Variants in CACNA1E observed in about 807,000 individuals in gnomAD.
The protein encoded by CACNA1E is voltage-dependent R-type calcium channel subunit alpha-1E.
CACNA1E carries 40 observed loss-of-function variants against 259.2 expected under a neutral mutation model. The ratio of observed to expected loss-of-function variants is 0.15; its 90% CI spans 0.12 to 0.20. CACNA1E has a LOEUF of 0.20. CACNA1E is among the 10% of genes least tolerant of loss of function. The pLI is 1.00. For missense variants in CACNA1E, 1,874 were observed against 3,040.1 expected (o/e 0.62, Z 9.02); for synonymous variants, 1,104 against 1,138.5 (o/e 0.97, Z 0.61).
intron 3 of CACNA1E, among the ~76,000 whole-genome samples, chr1:181,532,516 G>A (rs758385713): frequency 5.9e-5 from 9 of 152,246 alleles, no homozygotes; most frequent in Non-Finnish European, 1.0e-4. Context: ...GGCAGAGCAC[G>A]TTGCACCTGA....
chr1:181,534,948 A>G (rs1195499169), intron 3 of CACNA1E, among the ~76,000 whole-genome samples: 2 of 152,120 alleles, frequency 1.3e-5, no homozygotes, highest in African/African-American at 2.4e-5. Flanking sequence ...TAGAAAATTG[A>G]AAATAGAGGA....
At chr1:181,505,943 G>C (rs1217548299) in intron 1 of CACNA1E, among the ~76,000 whole-genome samples, 1 of 152,210 alleles carries the variant, frequency 6.6e-6, no homozygotes, top group Non-Finnish European at 1.5e-5. Context: ...GGCAGGCAAG[G>C]TCCTGCCCTG....
At chr1:181,668,359 T>A (rs1460970275) in intron 7 of CACNA1E, among the ~76,000 whole-genome samples, 1 of 152,258 alleles carries the variant, frequency 6.6e-6, no homozygotes, top group East Asian at 1.9e-4. Flanking sequence ...TTCCATGGTA[T>A]GGATATACCA....
At chr1:181,354,038 G>A (rs1160540178) in intron 1 of CACNA1E, among the ~76,000 whole-genome samples, 2 of 152,038 alleles carry the variant, frequency 1.3e-5, no homozygotes, top group Non-Finnish European at 2.9e-5. Context: ...TGCCTGACTC[G>A]GTTCCTCCCC....
chr1:181,798,392 G>A lies in CACNA1E; in HGVS notation c.6500G>A (p.Arg2167Gln), dbSNP rs370385055. 58 of 1,613,224 alleles carry A rather than the reference G, an allele frequency of 3.6e-5. No homozygotes were observed. The Admixed American group carries it at 4.0e-4, about 11-fold the overall frequency. ...RQLPPVPPKP[R>Q]PLLSYSSLIR... is the part of the protein sequence containing the mutation. ...CTCCCACCCGTCCCGCCAAAGCCCC[G>A]GCCCCTCCTTTCCTACAGCTCCCTG... is the stretch of plus-strand genomic sequence containing the variant. Residue 2167 changes from arginine (R) to glutamine (Q), a missense_variant, in exon 48 of 48, where the codon CGG becomes CAG. Around this residue, in one of 14 missense-constraint regions of CACNA1E, gnomAD observed 542 missense variants for 587.2 expected, o/e 0.92. Transcript: ENST00000367573. The surrounding 1 kb of genome is among the most constrained non-coding windows in gnomAD (Gnocchi z 4.2).
chr1:181,393,343 G>A (rs746297571), intron 1 of CACNA1E, among the ~76,000 whole-genome samples: 1 of 152,196 alleles, frequency 6.6e-6, no homozygotes, highest in Admixed American at 6.5e-5. Flanking sequence ...AAGGATTCAA[G>A]AATGTCTAGC....
intron 2 of CACNA1E, among the ~76,000 whole-genome samples, 192 bp from the exon 3 acceptor site, chr1:181,511,179 C>T (rs1666133366): frequency 6.6e-6 from 1 of 152,132 alleles, no homozygotes; most frequent in African/African-American, 2.4e-5. Context: ...CAGCTGGCTC[C>T]CCTGGGTCTC....
At chr1:181,562,808 AG>A (rs1649453018) in intron 3 of CACNA1E, among the ~76,000 whole-genome samples, 1 of 152,158 alleles carries the variant, frequency 6.6e-6, no homozygotes, top group African/African-American at 2.4e-5. Flanking sequence ...CTGTTGTGAG[AG>A]TAACCTCTTG....
At chr1:181,361,837 A>T (rs2804696) in intron 1 of CACNA1E, among the ~76,000 whole-genome samples, 1 of 152,242 alleles carries the variant, frequency 6.6e-6, no homozygotes, top group Admixed American at 6.5e-5. Flanking sequence ...CAGTTTCCAC[A>T]TCTATAAATG....
chr1:181,588,777 T>C (rs3931595), intron 6 of CACNA1E, among the ~76,000 whole-genome samples: 131,025 of 152,250 alleles, frequency 0.86, 57,276 homozygotes, highest in East Asian at 0.98. Context: ...TGATGTGTCA[T>C]GCAGCTTTGG....
chr1:181,762,833 G>T (rs1658703497), intron 33 of CACNA1E, among the ~76,000 whole-genome samples, 176 bp downstream of exon 33: 1 of 152,224 alleles, frequency 6.6e-6, no homozygotes, highest in South Asian at 2.1e-4. Context: ...CTTGGGAGTG[G>T]CACTGGATCT....
intron 1 of CACNA1E, among the ~76,000 whole-genome samples, chr1:181,486,142 C>T (rs1197001031): frequency 6.6e-6 from 1 of 152,268 alleles, no homozygotes; most frequent in African/African-American, 2.4e-5. Context: ...AGTCTTACTC[C>T]TCCCTTTCCT....
Position 181,483,530 on chromosome 1 carries a change from G to T in CACNA1E, c.-215G>T. On this transcript the variant is annotated 5_prime_UTR_variant, in exon 1 of 48. An upstream start codon of the reference 5' UTR is lost. Coordinates refer to ENST00000367573, the MANE Select transcript of CACNA1E (RefSeq NM_001205293.3). ...TTTTTTTTTTTCCTTCTTGAGGAAT[G>T]GAGCTTCGCAGAGGTTGCATTTAGA... 6.4e-6 allele frequency: 2 copies of T among 314,736 alleles called. No homozygotes were observed. The highest frequency in any genetic ancestry group is 1.1e-5 in the Non-Finnish European group (2 of 174,422). 19.5% of individuals were successfully genotyped at this position (314,736 alleles called of 1,614,324 possible). A position where few individuals can be genotyped will look rare whatever the true frequency, so the allele number is the denominator to read the frequency against.
intron 1 of CACNA1E, among the ~76,000 whole-genome samples, chr1:181,389,991 G>A (rs1268884131): frequency 6.6e-6 from 1 of 152,262 alleles, no homozygotes; most frequent in Admixed American, 6.5e-5. Flanking sequence ...GATTTTAGAG[G>A]AGGCTGACTG....
chr1:181,392,187 A>G (rs1270917535), intron 1 of CACNA1E, among the ~76,000 whole-genome samples: 1 of 152,160 alleles, frequency 6.6e-6, no homozygotes, highest in Non-Finnish European at 1.5e-5. Flanking sequence ...AAAGCCTTTT[A>G]GGTTCTCATC....
chr1:181,451,109 T>C (rs1661128035), intron 2 of CACNA1E, among the ~76,000 whole-genome samples: 1 of 152,082 alleles, frequency 6.6e-6, no homozygotes, highest in South Asian at 2.1e-4. Context: ...CATGTGGAGG[T>C]ATAGAAATAC....
rs11302089 is a variant in CACNA1E, at chr1:181,423,662, A to ATTTTTTTTTTTTTTTTTTT, written c.434+10098_434+10099insTTTTTTTTTTTTTTTTTTT. Among the ~76,000 whole-genome samples the ATTTTTTTTTTTTTTTTTTT allele has an allele frequency of 7.9e-4, 103 of 131,010 alleles. 3 individuals are homozygous for ATTTTTTTTTTTTTTTTTTT. The highest frequency in any genetic ancestry group is 1.9e-3 in the African/African-American group (61 of 32,846). 85.9% of individuals were successfully genotyped at this position (131,010 alleles called of 152,430 possible). On this transcript the variant is annotated intron_variant, in intron 2 of 11. Transcript: ENST00000524607. ...GGTGAATTTAAGGGCCATTGGGCCA[A>ATTTTTTTTTTTTTTTTTTT]TTTTTTTTTTTTTTTTGCTGGCCTT...
intron 7 of CACNA1E, among the ~76,000 whole-genome samples, chr1:181,682,980 C>G (rs1364803827): frequency 6.6e-6 from 1 of 152,214 alleles, no homozygotes; most frequent in Non-Finnish European, 1.5e-5. Flanking sequence ...TGCCATTGAT[C>G]TCTACTTGTC....
chr1:181,555,020 T>A (rs1648569627), intron 3 of CACNA1E, among the ~76,000 whole-genome samples: 1 of 152,198 alleles, frequency 6.6e-6, no homozygotes, highest in South Asian at 2.1e-4. Context: ...TTTCCACAGA[T>A]GCTGAGATGC....
Sources: gnomAD v4.1 joint callset for allele counts (sites outside exome capture counted in the v4.1 genomes callset) on GRCh38, gnomAD v4.1.1 for gene constraint, gnomAD v4.1.1 regional missense constraint, Gnocchi (gnomAD v3.1) non-coding constraint, MANE v1.5 for transcripts, NCBI Gene and HGNC (gene_info 2026-07-23, HGNC 2026-07-21) for gene names.